CDK14: variants seen among roughly 807,000 people sequenced by gnomAD.
The protein encoded by CDK14 is cyclin-dependent kinase 14.
Under a neutral mutation model 60.7 loss-of-function variants are expected in CDK14, and 34 were observed. The ratio of observed to expected loss-of-function variants is 0.56; its 90% CI spans 0.43 to 0.75. The LOEUF (loss-of-function observed/expected upper bound fraction) is 0.75. Ranked by LOEUF, CDK14 falls within the 30% of genes least tolerant of loss-of-function variation. The pLI is 0.00. For synonymous variants in CDK14, 197 were observed against 203.7 expected, an observed-to-expected ratio of 0.97 and a Z score of 0.28; for missense variants, 482 against 564.1, an observed-to-expected ratio of 0.85 and a Z score of 1.47.
chr7:90,683,897 C>CATGTGT (rs1554433833), intron 2 of CDK14, among the ~76,000 whole-genome samples: 1 of 145,656 alleles, frequency 6.9e-6, no homozygotes, highest in Non-Finnish European at 1.5e-5. Flanking sequence ...AGAAAATGTA[C>CATGTGT]GTGTGTGTGT....
chr7:91,134,493 G>A (rs1228914984), intron 14 of CDK14, among the ~76,000 whole-genome samples: 1 of 152,126 alleles, frequency 6.6e-6, no homozygotes, highest in Non-Finnish European at 1.5e-5. Context: ...GGGGTAGAAA[G>A]ACTGGGAAGG....
intron 3 of CDK14, among the ~76,000 whole-genome samples, chr7:90,728,162 A>G (rs1477638455): frequency 6.6e-6 from 1 of 151,896 alleles, no homozygotes. Flanking sequence ...TTCATCCTTT[A>G]TCTGCTTTTT....
intron 14 of CDK14, among the ~76,000 whole-genome samples, chr7:91,132,480 T>A (rs1800148862): frequency 6.6e-6 from 1 of 152,182 alleles, no homozygotes; most frequent in Non-Finnish European, 1.5e-5. Context: ...ATTTTCATGT[T>A]GTTGCCCATA....
At chr7:90,972,847 G>A (rs112228169) in intron 9 of CDK14, among the ~76,000 whole-genome samples, 3 of 152,254 alleles carry the variant, frequency 2.0e-5, no homozygotes, top group African/African-American at 7.2e-5. Context: ...CTCAGTACCT[G>A]ATTTTGAGAA....
At chr7:90,629,726 T>C (rs1799951959) in intron 2 of CDK14, among the ~76,000 whole-genome samples, 1 of 152,154 alleles carries the variant, frequency 6.6e-6, no homozygotes, top group Admixed American at 6.5e-5. Flanking sequence ...TGTAATTACC[T>C]AAACCAAAAA....
chr7:90,696,552 T>G (rs1801663740), intron 2 of CDK14, among the ~76,000 whole-genome samples: 1 of 152,058 alleles, frequency 6.6e-6, no homozygotes, highest in Non-Finnish European at 1.5e-5. Flanking sequence ...TGGCCTCAAG[T>G]GATCCGCCCA....
chr7:90,656,394 T>TC (rs1243944168), intron 2 of CDK14, among the ~76,000 whole-genome samples: 1 of 151,496 alleles, frequency 6.6e-6, no homozygotes, highest in Non-Finnish European at 1.5e-5. Context: ...TTTTTTTTTT[T>TC]TTTGAGACAG....
intron 3 of CDK14, among the ~76,000 whole-genome samples, chr7:90,734,478 T>C (rs1434853737): frequency 6.6e-6 from 1 of 152,210 alleles, no homozygotes; most frequent in Non-Finnish European, 1.5e-5. Flanking sequence ...TTTCTCACAG[T>C]CCCGTATTTC....
intron 7 of CDK14, among the ~76,000 whole-genome samples, chr7:90,914,671 A>T (rs1426257873): frequency 6.6e-6 from 1 of 152,102 alleles, no homozygotes; most frequent in Non-Finnish European, 1.5e-5. Context: ...TGCTTTTTAA[A>T]TCTCCTTTAA....
At chr7:91,192,291 TA>T (rs1408972069) in intron 14 of CDK14, among the ~76,000 whole-genome samples, 4 of 152,104 alleles carry the variant, frequency 2.6e-5, no homozygotes, top group African/African-American at 9.7e-5. Context: ...GAACAGCAGA[TA>T]GAAAACCATG....
intron 6 of CDK14, among the ~76,000 whole-genome samples, chr7:90,885,883 A>G (rs2041353): frequency 0.91 from 138,114 of 152,138 alleles, 62,753 homozygotes; most frequent in East Asian, 0.96. Flanking sequence ...GACACAGAGA[A>G]GAACAAAACA....
chr7:90,801,596 C>T (rs1249955767), intron 5 of CDK14, among the ~76,000 whole-genome samples: 3 of 152,172 alleles, frequency 2.0e-5, no homozygotes, highest in African/African-American at 4.8e-5. Context: ...CAATTCTATA[C>T]GTTGGCCACT....
At chr7:91,036,190 A>G (rs1796929966) in intron 10 of CDK14, among the ~76,000 whole-genome samples, 1 of 152,180 alleles carries the variant, frequency 6.6e-6, no homozygotes, top group African/African-American at 2.4e-5. Flanking sequence ...CTGGGGCAGC[A>G]GTCTGACATG....
intron 14 of CDK14, among the ~76,000 whole-genome samples, chr7:91,173,434 A>C (rs539883868): frequency 7.2e-5 from 11 of 151,872 alleles, no homozygotes; most frequent in South Asian, 6.3e-4. Flanking sequence ...TCTCTTAAAA[A>C]AAAAAAGGTG....
intron 5 of CDK14, among the ~76,000 whole-genome samples, chr7:90,801,264 T>C (rs1334334476): frequency 6.6e-6 from 1 of 152,258 alleles, no homozygotes; most frequent in Non-Finnish European, 1.5e-5. Context: ...TTCTTTGTTT[T>C]CTTATTACTG....
chr7:91,174,924 A>T (rs1801672995), intron 14 of CDK14, among the ~76,000 whole-genome samples: 1 of 144,190 alleles, frequency 6.9e-6, no homozygotes, highest in Admixed American at 6.9e-5. Context: ...CTAGCAAGGA[A>T]GGCCAACATT....
At chr7:90,979,748 T>C (rs1174661221) in intron 9 of CDK14, 3 of 152,224 alleles carry the variant, frequency 2.0e-5, no homozygotes, top group Admixed American at 1.3e-4. Flanking sequence ...AATGTTACTG[T>C]AGAATTGTCA....
intron 10 of CDK14, among the ~76,000 whole-genome samples, chr7:91,035,660 A>G (rs1202476620): frequency 6.8e-6 from 1 of 147,210 alleles, no homozygotes; most frequent in Non-Finnish European, 1.5e-5. Flanking sequence ...TGGCACAGCA[A>G]TCCAGATGTG....
intron 4 of CDK14, among the ~76,000 whole-genome samples, chr7:90,784,394 A>C (rs1003464313): frequency 3.3e-5 from 5 of 152,218 alleles, no homozygotes; most frequent in Admixed American, 1.3e-4. Flanking sequence ...GCATATTTCA[A>C]AATAGCTGGA....
Sources: gnomAD v4.1 joint callset for allele counts (sites outside exome capture counted in the v4.1 genomes callset) on GRCh38, gnomAD v4.1.1 for gene constraint, MANE v1.5 for transcripts, NCBI Gene and HGNC (gene_info 2026-07-23, HGNC 2026-07-21) for gene names.